Variants in U2SURP observed in about 807,000 individuals in gnomAD.
The protein encoded by U2SURP is U2 snRNP associated SURP domain containing, also known as U2 snRNP-associated SURP motif-containing protein.
Under a neutral mutation model 144.9 loss-of-function variants are expected in U2SURP, and 9 were observed. That is an observed-to-expected ratio of 0.06 (90% confidence interval 0.04 to 0.11). The LOEUF (loss-of-function observed/expected upper bound fraction) is 0.11. Among genes scored for constraint, U2SURP ranks in the 10% least tolerant of loss-of-function variants. U2SURP has a pLI of 1.00. For missense variants in U2SURP, 724 were observed against 1,226.7 expected (o/e 0.59, Z 6.12); for synonymous variants, 408 against 396.8 (o/e 1.03, Z -0.33).
chr3:143,033,369 C>T lies in U2SURP; in HGVS notation c.1853+19C>T, dbSNP rs1933612361. ...GAAAATTGTAAGTATAATGATATAA[C>T]TGATATTCCTGAAATAAAGTATTTA... On this transcript the variant is annotated intron_variant, in intron 18 of 27. Coordinates refer to ENST00000473835, the MANE Select transcript of U2SURP (RefSeq NM_001080415.2). 1 of 1,239,474 alleles carries T rather than the reference C, an allele frequency of 8.1e-7. No individual in the cohort carries two copies. The highest frequency in any genetic ancestry group is 1.1e-6 in the Non-Finnish European group (1 of 870,802). 76.8% of individuals were successfully genotyped at this position (1,239,474 alleles called of 1,614,324 possible).
In U2SURP at chr3:143,057,067, CTAA is replaced by C. The variant is rs2108324253; in HGVS notation, c.*620_*622del. The C allele has an allele frequency of 6.6e-6, 1 of 152,536 alleles. No homozygotes were observed. The highest frequency in any genetic ancestry group is 6.5e-5 in the Admixed American group (1 of 15,274). The allele number at this position is 152,536 out of a possible 1,614,324, so 9.4% of individuals were successfully genotyped here. Reference sequence around the variant, plus strand: ...TTTGATAAGTTTCTCTTGGGTAATACTAATACCCAGATATCAAAGACTAGGTAG... The same window carrying C: ...TTTGATAAGTTTCTCTTGGGTAATACTACCCAGATATCAAAGACTAGGTAG... On this transcript the variant is annotated 3_prime_UTR_variant, in exon 28 of 28. Coordinates refer to ENST00000473835, the MANE Select transcript of U2SURP (RefSeq NM_001080415.2).
chr3:143,014,843 A>C (rs1355411045), intron 4 of U2SURP, among the ~76,000 whole-genome samples: 1 of 151,434 alleles, frequency 6.6e-6, no homozygotes, highest in African/African-American at 2.4e-5. Context: ...TCATTTATTC[A>C]ACTAAAATTC....
chr3:143,009,271 CA>C (rs1386712629), intron 1 of U2SURP, among the ~76,000 whole-genome samples: 7 of 151,964 alleles, frequency 4.6e-5, no homozygotes, highest in Non-Finnish European at 1.0e-4. Context: ...AGGGTGGACA[CA>C]AAAGTTGGGG....
Position 143,008,406 on chromosome 3 carries a change from T to C in U2SURP, c.46-2409T>C, listed in dbSNP as rs1002229181. On this transcript the variant is annotated intron_variant, in intron 1 of 27. Transcript: ENST00000473835. ...GGTAGCGCTTTCTTAGTTATTCTTT[T>C]GGATGCTTATTCTTTCTGGGTGAAC... Among the ~76,000 whole-genome samples, 4 of 152,278 alleles carry C rather than the reference T, an allele frequency of 2.6e-5. No homozygotes were observed. In the East Asian group the frequency reaches 5.8e-4, roughly 22 times the overall value.
chr3:143,052,461 T>TG (rs940513146), intron 25 of U2SURP, among the ~76,000 whole-genome samples: 3 of 152,234 alleles, frequency 2.0e-5, no homozygotes, highest in Admixed American at 6.5e-5. Flanking sequence ...AGATGCTCAC[T>TG]GTTCTGATGG....
intron 3 of U2SURP, among the ~76,000 whole-genome samples, chr3:143,013,181 ATAAAT>A (rs1008217477): frequency 2.0e-5 from 3 of 152,090 alleles, no homozygotes; most frequent in Non-Finnish European, 4.4e-5. Flanking sequence ...CTCTTAGGGT[ATAAAT>A]AAAATTTGAG....
At position 143,034,981 on chromosome 3, in the gene U2SURP, T is replaced by C; in HGVS notation, c.1941+6T>C. On this transcript the variant is annotated splice_donor_region_variant and intron_variant, in intron 19 of 27. Coordinates refer to ENST00000473835, the MANE Select transcript of U2SURP (RefSeq NM_001080415.2). ...TACAATCTGAAAACTTTAAGGTACG[T>C]TTATTGTTTTACTATTTTTGCCCTA... The C allele has an allele frequency of 1.4e-6, 2 of 1,479,784 alleles. No homozygotes were observed. The allele number at this position is 1,479,784 out of a possible 1,614,324, so 91.7% of individuals were successfully genotyped here.
At chr3:143,041,312 T>C (rs1434872647) in intron 23 of U2SURP, among the ~76,000 whole-genome samples, 1 of 151,914 alleles carries the variant, frequency 6.6e-6, no homozygotes, top group Non-Finnish European at 1.5e-5. Context: ...TTAAAAAAAT[T>C]AACTAAAAAC....
chr3:143,024,155 G>A, intron 13 of U2SURP, 137 bp downstream of exon 13: 1 of 757,910 alleles, frequency 1.3e-6, no homozygotes, highest in African/African-American at 1.8e-5. Context: ...GCGGGGGGAT[G>A]TGTGAAATTT....
At chr3:143,043,826 T>C (rs930310319) in intron 24 of U2SURP, among the ~76,000 whole-genome samples, 5 of 151,470 alleles carry the variant, frequency 3.3e-5, no homozygotes, top group African/African-American at 9.7e-5. Context: ...TGGAGTGCAG[T>C]GGCGCAGTCT....
chr3:143,001,644 C>A lies in U2SURP; in HGVS notation c.16C>A (p.Pro6Thr). 6.2e-7 allele frequency: 1 copy of A among 1,614,016 alleles called. No homozygotes were observed. The highest frequency in any genetic ancestry group is 1.1e-5 in the South Asian group (1 of 91,074). Residue 6 changes from proline (P) to threonine (T), a missense_variant, in exon 1 of 28, where the codon CCA becomes ACA. Physicochemically the swap from Pro to Thr is conservative, Grantham distance 38. Transcript: ENST00000473835. MADKTPGGSQKASSKT... is the reference protein window; with the variant it reads MADKTTGGSQKASSKT... Reference sequence around the variant, plus strand: ...AAAGCTCAAGATGGCGGACAAAACGCCAGGCGGATCTCAGAAGGCCAGTTC... The same window carrying A: ...AAAGCTCAAGATGGCGGACAAAACGACAGGCGGATCTCAGAAGGCCAGTTC...
intron 13 of U2SURP, chr3:143,025,999 C>CT (rs1933124978): frequency 6.6e-6 from 1 of 152,058 alleles, no homozygotes; most frequent in African/African-American, 2.4e-5. Context: ...GTAATTTGAG[C>CT]TGGGAATGCT....
Position 143,012,369 on chromosome 3 carries a change from AT to A in U2SURP, c.222+17del. 2 of 1,592,606 alleles carry A rather than the reference AT, an allele frequency of 1.3e-6. No individual in the cohort carries two copies. Among genetic ancestry groups the A allele is most frequent in the East Asian group, 4.5e-5 (2 of 44,582 alleles). On this transcript the variant is annotated intron_variant, in intron 3 of 27. Transcript: ENST00000473835. ...TCTCTCAAGAGTGAGTATAGATAAG[AT>A]AAGGTAAAGATAAGAAAGGATAGTT...
intron 1 of U2SURP, among the ~76,000 whole-genome samples, chr3:143,002,711 A>G (rs1935601817): frequency 6.6e-6 from 1 of 152,210 alleles, no homozygotes; most frequent in African/African-American, 2.4e-5. Context: ...CAGTTCTGAG[A>G]AACATCATAA....
intron 1 of U2SURP, among the ~76,000 whole-genome samples, chr3:143,004,333 A>G (rs1255426414): frequency 6.8e-6 from 1 of 147,818 alleles, no homozygotes; most frequent in African/African-American, 2.5e-5. Flanking sequence ...GATAACCTCT[A>G]CAGGTCTTCT....
At chr3:143,033,834 ACTTAAG>A (rs1392620842) in intron 18 of U2SURP, among the ~76,000 whole-genome samples, 1 of 152,174 alleles carries the variant, frequency 6.6e-6, no homozygotes, top group East Asian at 1.9e-4. Context: ...ATTGGCTTAC[ACTTAAG>A]CTAAATTACC....
chr3:143,035,016 A>T, intron 19 of U2SURP, 41 bp downstream of exon 19: 2 of 258,356 alleles, frequency 7.7e-6, no homozygotes, highest in South Asian at 3.5e-5. Context: ...AGTGTTTTAA[A>T]TGGGTGGGGG....
At chr3:143,053,601 G>T in intron 25 of U2SURP, 75 bp from the exon 26 acceptor site, 1 of 952,566 alleles carries the variant, frequency 1.0e-6, no homozygotes, top group Non-Finnish European at 1.5e-6. Flanking sequence ...TGTAAGAGAA[G>T]ATATTGTTCT....
Position 143,020,470 on chromosome 3 carries a change from G to C in U2SURP, c.639-129G>C, listed in dbSNP as rs376411360. The C allele has an allele frequency of 3.8e-5, 25 of 658,908 alleles. No homozygotes were observed. In the African/African-American group the frequency reaches 4.2e-4, roughly 11 times the overall value. 40.8% of individuals were successfully genotyped at this position (658,908 alleles called of 1,614,324 possible). ...ATAGCTGAGGGACCCTCTAATCTTG[G>C]TTATCAGTACCAGTATTTAATTACA... On this transcript the variant is annotated intron_variant, in intron 7 of 27. Transcript: ENST00000473835.
Sources: gnomAD v4.1 joint callset for allele counts (sites outside exome capture counted in the v4.1 genomes callset) on GRCh38, gnomAD v4.1.1 for gene constraint, MANE v1.5 for transcripts, NCBI Gene and HGNC (gene_info 2026-07-23, HGNC 2026-07-21) for gene names.